Variants in MAP3K20 observed in about 807,000 individuals in gnomAD.
MAP3K20 encodes the protein mitogen-activated protein kinase kinase kinase 20.
A neutral mutation model predicts 85.7 loss-of-function variants in MAP3K20; 40 were observed. The observed-to-expected ratio is 0.47, with a 90% CI of 0.36 to 0.61. The LOEUF (loss-of-function observed/expected upper bound fraction) is 0.61. MAP3K20 is among the 20% of genes least tolerant of loss of function. The pLI is 0.00. For missense variants in MAP3K20, 817 were observed against 961.7 expected (o/e 0.85, Z 1.99); for synonymous variants, 325 against 327.7 (o/e 0.99, Z 0.09).
At chr2:173,138,982 A>G (rs1034839067) in intron 2 of MAP3K20, among the ~76,000 whole-genome samples, 1 of 152,200 alleles carries the variant, frequency 6.6e-6, no homozygotes, top group African/African-American at 2.4e-5. Flanking sequence ...AAGTGGGTTC[A>G]ATCATACTCA....
intron 2 of MAP3K20, among the ~76,000 whole-genome samples, chr2:173,110,549 T>C (rs770597481): frequency 2.0e-4 from 31 of 152,044 alleles, no homozygotes; most frequent in Admixed American, 6.6e-4. Flanking sequence ...GCACCATATT[T>C]GTAGTCTTCT....
At chr2:173,224,570 T>C (rs912708219) in intron 11 of MAP3K20, 6 of 984,724 alleles carry the variant, frequency 6.1e-6, no homozygotes, top group Middle Eastern at 5.2e-4. Context: ...CATAGCTCAT[T>C]ACTCTACCAC....
At chr2:173,155,508 A>T (rs1689439750) in intron 2 of MAP3K20, among the ~76,000 whole-genome samples, 1 of 152,202 alleles carries the variant, frequency 6.6e-6, no homozygotes, top group African/African-American at 2.4e-5. Flanking sequence ...TGAATGTTGA[A>T]TGGAGAGTGA....
intron 12 of MAP3K20, among the ~76,000 whole-genome samples, chr2:173,230,788 G>C (rs768882751): frequency 1.3e-5 from 2 of 152,154 alleles, no homozygotes; most frequent in Non-Finnish European, 2.9e-5. Flanking sequence ...TTGAGGTCAG[G>C]AGTTCGAGAC....
intron 3 of MAP3K20, among the ~76,000 whole-genome samples, chr2:173,173,017 C>G (rs1690045672): frequency 6.6e-6 from 1 of 152,026 alleles, no homozygotes; most frequent in African/African-American, 2.4e-5. Flanking sequence ...AGGATAGTCT[C>G]TTGACCTCAT....
intron 11 of MAP3K20, chr2:173,226,799 A>C (rs1684401518): frequency 1.0e-6 from 1 of 983,528 alleles, no homozygotes; most frequent in Non-Finnish European, 1.2e-6. Context: ...TGTACTAAAT[A>C]ATAGAAAATA....
At chr2:173,083,360 T>A (rs938703219) in intron 1 of MAP3K20, among the ~76,000 whole-genome samples, 1 of 151,852 alleles carries the variant, frequency 6.6e-6, no homozygotes, top group Non-Finnish European at 1.5e-5. Context: ...TTTTATTTTT[T>A]ATTTTTTTTT....
intron 2 of MAP3K20, among the ~76,000 whole-genome samples, chr2:173,106,252 C>T (rs1256117704): frequency 1.3e-5 from 2 of 152,066 alleles, no homozygotes; most frequent in East Asian, 3.8e-4. Flanking sequence ...TGAAAACTAA[C>T]AGTAATGATG....
At chr2:173,178,041 G>C (rs1262328779) in intron 3 of MAP3K20, among the ~76,000 whole-genome samples, 1 of 152,070 alleles carries the variant, frequency 6.6e-6, no homozygotes, top group Non-Finnish European at 1.5e-5. Flanking sequence ...TATTAGATTT[G>C]TTAATCTTTC....
At chr2:173,205,723 G>GA (rs1340092748) in intron 9 of MAP3K20, among the ~76,000 whole-genome samples, 7 of 152,052 alleles carry the variant, frequency 4.6e-5, no homozygotes, top group Non-Finnish European at 8.8e-5. Context: ...TAGAGTCCTA[G>GA]ATATTCCTAG....
rs146758498 is a variant in MAP3K20 at position 173,082,970 on chromosome 2, G to T, written c.-35+6968G>T. Among the ~76,000 whole-genome samples, 27 of 152,334 alleles carry T rather than the reference G, an allele frequency of 1.8e-4. 1 individual carries two copies. The highest frequency in any genetic ancestry group is 5.5e-4 in the African/African-American group (23 of 41,566). On this transcript the variant is annotated intron_variant, in intron 1 of 19. Coordinates refer to ENST00000375213, the MANE Select transcript of MAP3K20 (RefSeq NM_016653.3). ...AATACTTTTGGTAAGGAAGTGTGTT[G>T]TGGAAGTTGACTTTTATTAAATTAC... is the stretch of plus-strand genomic sequence containing the variant.
At chr2:173,081,707 A>G (rs977396429) in intron 1 of MAP3K20, among the ~76,000 whole-genome samples, 8 of 152,176 alleles carry the variant, frequency 5.3e-5, no homozygotes, top group Middle Eastern at 3.2e-3. Context: ...ATTGAAGAAG[A>G]TGGCCAAATC....
rs534062063 is a variant in MAP3K20, at chr2:173,104,033, G to A, written c.159+12843G>A. ...TTTTTAGAGTTTACCTTCAAATGTG[G>A]GGAATAAGAAAATAAATGGTATGTC... On this transcript the variant is annotated intron_variant, in intron 2 of 19. Coordinates refer to ENST00000375213, the MANE Select transcript of MAP3K20 (RefSeq NM_016653.3). Among the ~76,000 whole-genome samples the A allele has an allele frequency of 6.3e-4, 96 of 152,206 alleles. 1 individual carries two copies. The highest frequency in any genetic ancestry group is 2.2e-3 in the African/African-American group (91 of 41,518).
chr2:173,257,128 T>C (rs960392943), intron 16 of MAP3K20, among the ~76,000 whole-genome samples: 20 of 152,118 alleles, frequency 1.3e-4, no homozygotes, highest in African/African-American at 4.6e-4. Context: ...CATGCTACCA[T>C]ACTCCAGCCT....
intron 11 of MAP3K20, among the ~76,000 whole-genome samples, chr2:173,220,415 CTAAAT>C (rs1027987820): frequency 4.6e-5 from 7 of 152,198 alleles, no homozygotes; most frequent in African/African-American, 1.7e-4. Flanking sequence ...TTAGAACAAT[CTAAAT>C]TAACACTATT....
intron 1 of MAP3K20, among the ~76,000 whole-genome samples, chr2:173,078,550 A>T (rs1298251991): frequency 6.6e-6 from 1 of 152,184 alleles, no homozygotes; most frequent in East Asian, 1.9e-4. Context: ...GCTTAGATTG[A>T]TTCGACTGAT....
intron 11 of MAP3K20, chr2:173,222,740 A>C (rs1574132132): frequency 1.0e-6 from 1 of 985,454 alleles, no homozygotes; most frequent in East Asian, 1.1e-4. Context: ...AGTTTAGCCT[A>C]CCAGGGTTGT....
rs1684482039 is a variant in MAP3K20, at chr2:173,229,882, G to A, written c.1032+149G>A. On this transcript the variant is annotated intron_variant, in intron 12 of 19. Coordinates refer to ENST00000375213, the MANE Select transcript of MAP3K20 (RefSeq NM_016653.3). ...TTCTCACTCTGTCTCCCAGGCTGGA[G>A]TGCAGTGGTGCGATCTCAGCTCACT... is the stretch of plus-strand genomic sequence containing the variant. The A allele has an allele frequency of 1.9e-5, 16 of 856,174 alleles. No individual in the cohort carries two copies. In the South Asian group the frequency reaches 2.0e-4, roughly 11 times the overall value. 53.0% of individuals were successfully genotyped at this position (856,174 alleles called of 1,614,324 possible). A position where few individuals can be genotyped will look rare whatever the true frequency, so the allele number is the denominator to read the frequency against.
Position 173,229,687 on chromosome 2 carries a change from A to AGCT in MAP3K20, c.992_994dup. On this transcript the variant is annotated splice_acceptor_variant, in intron 11 of 19. Coordinates refer to ENST00000375213, the MANE Select transcript of MAP3K20 (RefSeq NM_016653.3). LOFTEE classifies it high-confidence loss of function. The stretch of plus-strand genomic sequence containing the variant: ...TTCATTTCATGCATATTTCCCATGC[A>AGCT]GCTGCTGCCTTCCTTTGAGATTGGT... 1.2e-6 allele frequency: 2 copies of AGCT among 1,614,044 alleles called. No homozygotes were observed. Among genetic ancestry groups the AGCT allele is most frequent in the Non-Finnish European group, 1.7e-6 (2 of 1,179,996 alleles).
Sources: gnomAD v4.1 joint callset for allele counts (sites outside exome capture counted in the v4.1 genomes callset) on GRCh38, gnomAD v4.1.1 for gene constraint, MANE v1.5 for transcripts, NCBI Gene and HGNC (gene_info 2026-07-23, HGNC 2026-07-21) for gene names.